The following CHRM3 variants were observed in gnomAD, a reference collection of about 807,000 sequenced individuals.
CHRM3 encodes muscarinic acetylcholine receptor M3.
In CHRM3, 11 loss-of-function variants were observed where a neutral mutation model predicts 41.8. The ratio of observed to expected loss-of-function variants is 0.26; its 90% confidence interval spans 0.17 to 0.44. The LOEUF (loss-of-function observed/expected upper bound fraction) is 0.44, where lower values mean the gene tolerates loss of function less well. Ranked by LOEUF, CHRM3 falls within the 20% of genes least tolerant of loss-of-function variation. The pLI, the probability that CHRM3 is intolerant of heterozygous loss-of-function variation, is 1.00. For synonymous variants in CHRM3, 297 were observed against 301.4 expected, an observed-to-expected ratio of 0.99 and a Z score of 0.15; for missense variants, 571 against 745.4, an observed-to-expected ratio of 0.77 and a Z score of 2.72.
At chr1:239,513,845 G>A (rs1337901983) in intron 2 of CHRM3, among the ~76,000 whole-genome samples, 1 of 150,480 alleles carries the variant, frequency 6.6e-6, no homozygotes, top group African/African-American at 2.4e-5. Flanking sequence ...TTTCTTTTTT[G>A]CATGTGGATG....
intron 3 of CHRM3, among the ~76,000 whole-genome samples, chr1:239,631,903 T>G: frequency 6.6e-6 from 1 of 152,230 alleles, no homozygotes; most frequent in East Asian, 1.9e-4. Context: ...GCAACTTCTT[T>G]ATTTTTATTC....
intron 1 of CHRM3, among the ~76,000 whole-genome samples, chr1:239,428,786 T>C (rs966141868): frequency 6.6e-6 from 1 of 152,224 alleles, no homozygotes; most frequent in Admixed American, 6.5e-5. Flanking sequence ...GATACACTTA[T>C]TTTGCAGACT....
chr1:239,668,668 G>C (rs953899228), intron 4 of CHRM3, among the ~76,000 whole-genome samples: 4 of 152,140 alleles, frequency 2.6e-5, no homozygotes, highest in African/African-American at 9.7e-5. Context: ...ACATTCTGAT[G>C]CTTTACCATT....
At chr1:239,558,917 A>G (rs1270904263) in intron 3 of CHRM3, among the ~76,000 whole-genome samples, 1 of 152,038 alleles carries the variant, frequency 6.6e-6, no homozygotes, top group Non-Finnish European at 1.5e-5. Context: ...TGTATTGCTG[A>G]TTTTCCTTTG....
chr1:239,881,238 C>CGG (rs1558205897), intron 6 of CHRM3, among the ~76,000 whole-genome samples: 80 of 140,182 alleles, frequency 5.7e-4, no homozygotes, highest in Admixed American at 1.8e-3. Context: ...AGCCGAGATC[C>CGG]CGCCCCTGCA....
intron 5 of CHRM3, among the ~76,000 whole-genome samples, chr1:239,800,271 G>A (rs938879181): frequency 2.6e-5 from 4 of 152,096 alleles, no homozygotes; most frequent in African/African-American, 4.8e-5. Flanking sequence ...TTCCAGTGGG[G>A]CCAATGACTG....
chr1:239,400,584 G>C (rs1001192243), intron 1 of CHRM3, among the ~76,000 whole-genome samples: 7 of 151,942 alleles, frequency 4.6e-5, no homozygotes, highest in African/African-American at 1.7e-4. Flanking sequence ...CAGAGTTTTG[G>C]GCCTTAAATT....
intron 6 of CHRM3, among the ~76,000 whole-genome samples, chr1:239,829,013 C>A (rs1311392778): frequency 2.6e-5 from 4 of 152,196 alleles, no homozygotes; most frequent in African/African-American, 9.6e-5. Context: ...ATGTGACCTG[C>A]TGCAGCAGGT....
At chr1:239,717,694 A>G (rs1662526065) in intron 5 of CHRM3, among the ~76,000 whole-genome samples, 1 of 151,954 alleles carries the variant, frequency 6.6e-6, no homozygotes, top group African/African-American at 2.4e-5. Context: ...GCTACCTGTC[A>G]TTTCTGCCTT....
chr1:239,404,472 G>GAA (rs1660407511), intron 1 of CHRM3, among the ~76,000 whole-genome samples: 5 of 140,666 alleles, frequency 3.6e-5, no homozygotes, highest in African/African-American at 1.4e-4. Flanking sequence ...GAAAGAAAAA[G>GAA]AAAGAAAGAA....
intron 5 of CHRM3, among the ~76,000 whole-genome samples, chr1:239,781,046 C>T (rs1668475029): frequency 6.6e-6 from 1 of 152,096 alleles, no homozygotes; most frequent in Admixed American, 6.5e-5. Context: ...TGGTATCAGG[C>T]CTCTGACTTT....
intron 2 of CHRM3, among the ~76,000 whole-genome samples, chr1:239,508,131 T>G (rs372736686): frequency 3.3e-5 from 5 of 152,308 alleles, no homozygotes; most frequent in East Asian, 3.9e-4. Flanking sequence ...ATATTCAAAT[T>G]AATTTCCCAA....
Position 239,651,852 on chromosome 1 carries a change from C to A in CHRM3, c.-250+19566C>A, listed in dbSNP as rs575351981. Among the ~76,000 whole-genome samples the A allele has an allele frequency of 3.0e-4, 46 of 152,116 alleles. No individual in the cohort carries two copies. In the South Asian group the frequency reaches 8.9e-3, roughly 30 times the overall value. ...CCAAGGGAATGGGCTCCAGACAGCA[C>A]CCCCCCACACCCCTGCAAAGCAAGG... On this transcript the variant is annotated intron_variant, in intron 4 of 6. Transcript: ENST00000676153.
intron 5 of CHRM3, among the ~76,000 whole-genome samples, chr1:239,809,421 T>G (rs1670936993): frequency 6.6e-6 from 1 of 152,146 alleles, no homozygotes; most frequent in Non-Finnish European, 1.5e-5. Flanking sequence ...TCCTCATTTT[T>G]TTCTTTCCAT....
intron 5 of CHRM3, among the ~76,000 whole-genome samples, chr1:239,820,896 A>G (rs1239182615): frequency 6.6e-6 from 1 of 152,220 alleles, no homozygotes; most frequent in African/African-American, 2.4e-5. Context: ...ATTTTAAAAA[A>G]TGTTAGTATT....
At position 239,881,914 on chromosome 1, in the gene CHRM3, G is replaced by GT. The variant is rs1222928856; in HGVS notation, c.-19-25511dup. ...CATTACCTTCAATGTATTCTTTTTT[G>GT]TTTTTTTTGAGATGGAGTCTCGCTC... On this transcript the variant is annotated intron_variant, in intron 6 of 6. Coordinates refer to ENST00000676153, the MANE Select transcript of CHRM3 (RefSeq NM_001375978.1). 1.3e-4 allele frequency among the ~76,000 whole-genome samples: 19 copies of GT among 151,550 alleles called. No individual in the cohort carries two copies. The South Asian group carries it at 1.5e-3, about 12-fold the overall frequency.
chr1:239,523,693 C>G (rs1669803691), intron 2 of CHRM3, among the ~76,000 whole-genome samples: 1 of 152,016 alleles, frequency 6.6e-6, no homozygotes, highest in African/African-American at 2.4e-5. Context: ...TAGGGGCATC[C>G]AATTAACAAT....
Position 239,560,455 on chromosome 1 carries a change from T to A in CHRM3, c.-313+14706T>A, listed in dbSNP as rs546363588. On this transcript the variant is annotated intron_variant, in intron 3 of 6. Transcript: ENST00000676153. ...TTACAAATATTTTTATACTTTAGAC[T>A]TAGGTAATTTATATATTTGCACAAA... Among the ~76,000 whole-genome samples the A allele has an allele frequency of 4.9e-4, 75 of 152,240 alleles. 1 individual carries two copies. In the South Asian group the frequency reaches 0.015, roughly 31 times the overall value.
intron 5 of CHRM3, chr1:239,703,515 G>A (rs1660874337): frequency 6.6e-6 from 1 of 152,086 alleles, no homozygotes; most frequent in African/African-American, 2.4e-5. Flanking sequence ...CTTTCCCCAA[G>A]ACATATGCCC....
Sources: gnomAD v4.1 joint callset for allele counts (sites outside exome capture counted in the v4.1 genomes callset) on GRCh38, gnomAD v4.1.1 for gene constraint, MANE v1.5 for transcripts, NCBI Gene and HGNC (gene_info 2026-07-23, HGNC 2026-07-21) for gene names.